The following SEMA5A variants were observed in gnomAD, a reference collection of about 807,000 sequenced individuals.
The protein encoded by SEMA5A is semaphorin-5A.
SEMA5A carries 55 observed loss-of-function variants against 135.5 expected under a neutral mutation model. That is an observed-to-expected ratio of 0.41 (90% CI 0.33 to 0.51). The LOEUF (loss-of-function observed/expected upper bound fraction) is 0.51. Among genes scored for constraint, SEMA5A ranks in the 20% least tolerant of loss-of-function variants. The pLI is 0.37. For synonymous variants in SEMA5A, 580 were observed against 546.5 expected, an observed-to-expected ratio of 1.06 and a Z score of -0.85; for missense variants, 1,290 against 1,419.9, an observed-to-expected ratio of 0.91 and a Z score of 1.47.
chr5:9,496,561 T>C (rs896558373), intron 1 of SEMA5A, among the ~76,000 whole-genome samples: 4 of 152,254 alleles, frequency 2.6e-5, no homozygotes, highest in Middle Eastern at 3.4e-3. Flanking sequence ...ACAGTGAATA[T>C]AGCCAAAAGA....
chr5:9,162,404 G>GTA (rs140481114), intron 11 of SEMA5A, among the ~76,000 whole-genome samples: 2 of 124,142 alleles, frequency 1.6e-5, no homozygotes, highest in African/African-American at 3.0e-5. Flanking sequence ...GTGTGTGTGT[G>GTA]TATATATATG....
intron 11 of SEMA5A, among the ~76,000 whole-genome samples, chr5:9,157,104 C>G (rs1742995711): frequency 6.6e-6 from 1 of 152,258 alleles, no homozygotes; most frequent in African/African-American, 2.4e-5. Flanking sequence ...ATCCTTCACT[C>G]CCTGGAGTGT....
rs1737276844 is a variant in SEMA5A at position 9,063,111 on chromosome 5, A to T, written c.2300-6T>A. 1 of 1,607,598 alleles carries T rather than the reference A, an allele frequency of 6.2e-7. No individual in the cohort carries two copies. The highest frequency in any genetic ancestry group is 1.3e-5 in the African/African-American group (1 of 74,750). ...CAGGAAATCCCCAGAAAGCCCTGCC[A>T]AGGAAACAGGTGAAGTGTGATTCTG... is the stretch of plus-strand genomic sequence containing the variant. On this transcript the variant is annotated splice_polypyrimidine_tract_variant and splice_region_variant and intron_variant, in intron 17 of 22. Coordinates refer to ENST00000382496, the MANE Select transcript of SEMA5A (RefSeq NM_003966.3).
chr5:9,385,382 T>A (rs1457576402), intron 2 of SEMA5A, among the ~76,000 whole-genome samples: 3 of 152,206 alleles, frequency 2.0e-5, no homozygotes, highest in Non-Finnish European at 1.5e-5. Context: ...TAGGGAACAG[T>A]GTCTAACCAG....
intron 11 of SEMA5A, among the ~76,000 whole-genome samples, chr5:9,188,983 T>A (rs1463644271): frequency 1.3e-5 from 2 of 152,332 alleles, no homozygotes; most frequent in Admixed American, 1.3e-4. Flanking sequence ...GGAGCAGCTG[T>A]GGCCTCCATC....
intron 18 of SEMA5A, among the ~76,000 whole-genome samples, chr5:9,055,556 T>C (rs540335300): frequency 7.2e-4 from 109 of 152,350 alleles, no homozygotes; most frequent in Middle Eastern, 3.4e-3. Context: ...TATGGTGTAA[T>C]GTTTCTTTTT....
intron 1 of SEMA5A, among the ~76,000 whole-genome samples, chr5:9,494,706 C>T (rs1409540040): frequency 6.6e-6 from 1 of 151,870 alleles, no homozygotes; most frequent in Non-Finnish European, 1.5e-5. Context: ...ATCATTGTTG[C>T]CATCTTTTAG....
chr5:9,149,461 T>C (rs917431482), intron 12 of SEMA5A, among the ~76,000 whole-genome samples: 21 of 152,164 alleles, frequency 1.4e-4, no homozygotes, highest in African/African-American at 5.1e-4. Context: ...CTGGCCAACA[T>C]GGTGAAACCC....
intron 2 of SEMA5A, among the ~76,000 whole-genome samples, chr5:9,413,493 T>C (rs914862838): frequency 1.3e-5 from 2 of 152,162 alleles, no homozygotes; most frequent in African/African-American, 2.4e-5. Context: ...ACTGGCATAT[T>C]GGGCAAAGCC....
intron 13 of SEMA5A, among the ~76,000 whole-genome samples, chr5:9,126,685 T>TG (rs1199538566): frequency 6.6e-6 from 1 of 151,668 alleles, no homozygotes; most frequent in African/African-American, 2.4e-5. Context: ...CAGGCCGGGG[T>TG]GGGGAACTGA....
At chr5:9,095,358 G>T (rs1739258693) in intron 16 of SEMA5A, among the ~76,000 whole-genome samples, 2 of 151,940 alleles carry the variant, frequency 1.3e-5, no homozygotes, top group South Asian at 4.2e-4. Flanking sequence ...TAACAAACCT[G>T]CACATTCAGC....
intron 12 of SEMA5A, among the ~76,000 whole-genome samples, chr5:9,149,015 C>T (rs1218065102): frequency 1.3e-5 from 2 of 152,102 alleles, no homozygotes; most frequent in Non-Finnish European, 2.9e-5. Context: ...CCACCATGCC[C>T]GGCTGCCCCT....
At chr5:9,083,840 G>C (rs749626495) in intron 16 of SEMA5A, among the ~76,000 whole-genome samples, 5 of 152,198 alleles carry the variant, frequency 3.3e-5, no homozygotes, top group African/African-American at 4.8e-5. Context: ...CACAGTAATT[G>C]TCACTCTGGC....
chr5:9,043,044 T>C, intron 22 of SEMA5A, 28 bp from the exon 23 acceptor site: 1 of 1,557,862 alleles, frequency 6.4e-7, no homozygotes, highest in Non-Finnish European at 8.8e-7. Flanking sequence ...AAAAAACAGG[T>C]TTAAGAATGC....
chr5:9,373,522 T>A (rs949381713), intron 3 of SEMA5A, among the ~76,000 whole-genome samples: 1 of 152,130 alleles, frequency 6.6e-6, no homozygotes, highest in Non-Finnish European at 1.5e-5. Flanking sequence ...AAATCCTCTA[T>A]CACGAGTCCA....
intron 16 of SEMA5A, among the ~76,000 whole-genome samples, chr5:9,085,022 C>A (rs769040451): frequency 3.5e-4 from 53 of 152,110 alleles, no homozygotes; most frequent in Non-Finnish European, 6.3e-4. Context: ...GGCATTTTCC[C>A]CCTGCTCTGG....
Position 9,042,864 on chromosome 5 carries a change from G to A in SEMA5A, c.*33C>T. ...ATGGGGCACAGGCCTTGAGGAACTG[G>A]GGATTTACAAGAAGCCAAAAACATG... On this transcript the variant is annotated 3_prime_UTR_variant, in exon 23 of 23. Transcript: ENST00000382496. 6.2e-7 allele frequency: 1 copy of A among 1,612,610 alleles called. No individual in the cohort carries two copies. Among genetic ancestry groups the A allele is most frequent in the Non-Finnish European group, 8.5e-7 (1 of 1,179,066 alleles).
chr5:9,143,851 C>T (rs994543572), intron 12 of SEMA5A, among the ~76,000 whole-genome samples: 5 of 139,540 alleles, frequency 3.6e-5, no homozygotes, highest in Non-Finnish European at 8.1e-5. Context: ...TTCTCTAGAA[C>T]AAATATAAAG....
chr5:9,324,964 G>A (rs1752804578), intron 4 of SEMA5A, among the ~76,000 whole-genome samples: 1 of 152,188 alleles, frequency 6.6e-6, no homozygotes, highest in African/African-American at 2.4e-5. Flanking sequence ...AAGCATTTAA[G>A]TGATCTCATT....
Sources: gnomAD v4.1 joint callset for allele counts (sites outside exome capture counted in the v4.1 genomes callset) on GRCh38, gnomAD v4.1.1 for gene constraint, MANE v1.5 for transcripts, NCBI Gene and HGNC (gene_info 2026-07-23, HGNC 2026-07-21) for gene names.